NCAPD2: variants seen among roughly 807,000 people sequenced by gnomAD.
NCAPD2 encodes non-SMC condensin I complex subunit D2.
Under a neutral mutation model 164.5 loss-of-function variants are expected in NCAPD2, and 100 were observed. The ratio of observed to expected loss-of-function variants is 0.61; its 90% CI spans 0.52 to 0.72. NCAPD2 has a LOEUF of 0.72. Ranked by LOEUF, NCAPD2 falls within the 30% of genes least tolerant of loss-of-function variation. The pLI is 0.00. For missense variants in NCAPD2, 1,560 were observed against 1,749.2 expected (o/e 0.89, Z 1.93); for synonymous variants, 585 against 642.6 (o/e 0.91, Z 1.36).
In NCAPD2 at chr12:6,504,195, A is replaced by ATATG. The variant is rs1946070638; in HGVS notation, c.128-5519_128-5518insGTAT. Among the ~76,000 whole-genome samples, 6 of 28,948 alleles carry ATATG rather than the reference A, an allele frequency of 2.1e-4. No homozygotes were observed. The African/African-American group carries it at 2.6e-3, about 12-fold the overall frequency. 19.0% of individuals were successfully genotyped at this position (28,948 alleles called of 152,430 possible). ...CATATATATATACATATATATATAT[A>ATATG]TATATATATATATATATATATAGAT... On this transcript the variant is annotated intron_variant, in intron 2 of 31. Coordinates refer to ENST00000315579, the MANE Select transcript of NCAPD2 (RefSeq NM_014865.4).
chr12:6,512,536 G>A (rs768000118), intron 6 of NCAPD2, among the ~76,000 whole-genome samples: 4 of 152,230 alleles, frequency 2.6e-5, no homozygotes, highest in Non-Finnish European at 5.9e-5. Context: ...GAGCAGGTAC[G>A]AGGGTTAGGC....
In NCAPD2 at chr12:6,527,882, T is replaced by C. The variant is rs749226692; in HGVS notation, c.3013T>C (p.Leu1005=). The change falls in exon 23 of 32, where the codon TTG becomes CTG. Residue 1005 remains leucine, a synonymous_variant. Coordinates refer to ENST00000315579, the MANE Select transcript of NCAPD2 (RefSeq NM_014865.4). The part of the protein sequence containing the change: ...LIRGICEMEL[L]DGKQTLAAFV... ...CCGTGGCATCTGCGAGATGGAACTG[T>C]TGGATGGTAAGAAAAATGGCTGCAC... 1.9e-6 allele frequency: 3 copies of C among 1,613,668 alleles called. No homozygotes were observed. The Admixed American group carries it at 5.0e-5, about 27-fold the overall frequency.
At position 6,528,653 on chromosome 12, in the gene NCAPD2, C is replaced by T; in HGVS notation, c.3300-26C>T. ...AGGGTGTAGCCCGGAGGTCTCGGTCCCCATGACCCGCAATTCCATTCCTAG... is the reference window on the plus strand; with the variant it reads ...AGGGTGTAGCCCGGAGGTCTCGGTCTCCATGACCCGCAATTCCATTCCTAG... On this transcript the variant is annotated intron_variant, in intron 25 of 31. Coordinates refer to ENST00000315579, the MANE Select transcript of NCAPD2 (RefSeq NM_014865.4). The surrounding 1 kb of genome is among the most constrained non-coding windows in gnomAD (Gnocchi z 5.1). 1.2e-6 allele frequency: 2 copies of T among 1,601,160 alleles called. No homozygotes were observed. The highest frequency in any genetic ancestry group is 1.7e-6 in the Non-Finnish European group (2 of 1,170,348).
intron 2 of NCAPD2, among the ~76,000 whole-genome samples, chr12:6,501,842 A>T (rs1382246488): frequency 6.6e-6 from 1 of 152,182 alleles, no homozygotes; most frequent in Admixed American, 6.5e-5. Flanking sequence ...AAATAAAGAG[A>T]GTGTTTCAAA....
rs529714238 is a variant in NCAPD2 at position 6,526,564 on chromosome 12, A to C, written c.2683A>C (p.Lys895Gln). 8.7e-6 allele frequency: 14 copies of C among 1,614,150 alleles called. No homozygotes were observed. The highest frequency in any genetic ancestry group is 4.0e-5 in the African/African-American group (3 of 75,028). Reference protein sequence around the residue: ...ICAQILQGCAKQALEKLEEKR... With the variant: ...ICAQILQGCAQQALEKLEEKR... Reference sequence around the variant, plus strand: ...TGCCCAGATATTGCAGGGCTGTGCAAAACAGGCCCTGGAGAAGCTAGAAGA... The same window carrying C: ...TGCCCAGATATTGCAGGGCTGTGCACAACAGGCCCTGGAGAAGCTAGAAGA... Residue 895 changes from lysine (K) to glutamine (Q), a missense_variant, in exon 21 of 32, where the codon AAA (lysine) becomes CAA (glutamine). Transcript: ENST00000315579.
chr12:6,525,940 G>C, intron 18 of NCAPD2, 128 bp from the exon 19 acceptor site: 1 of 1,341,944 alleles, frequency 7.5e-7, no homozygotes, highest in Non-Finnish European at 1.0e-6. Context: ...CCCTGCGGCA[G>C]AGCCACGCTA....
chr12:6,524,648 CAAAAA>C (rs35443041), intron 17 of NCAPD2, among the ~76,000 whole-genome samples: 1 of 66,572 alleles, frequency 1.5e-5, no homozygotes, highest in Non-Finnish European at 3.0e-5. Flanking sequence ...GACTCTGTCT[CAAAAA>C]AAAAAAAAAA....
chr12:6,528,346 A>G lies in NCAPD2; in HGVS notation c.3299+18A>G, dbSNP rs1274624428. On this transcript the variant is annotated intron_variant, in intron 25 of 31. Transcript: ENST00000315579. The surrounding 1 kb of genome is among the most constrained non-coding windows in gnomAD (Gnocchi z 5.1). Reference sequence around the variant, plus strand: ...TATGCTCGGTAAGAGACCCCTCACAACGTGGTGGCAGTTCCCAGGAGCCCC... The same window carrying G: ...TATGCTCGGTAAGAGACCCCTCACAGCGTGGTGGCAGTTCCCAGGAGCCCC... The G allele has an allele frequency of 6.2e-7, 1 of 1,612,916 alleles. No homozygotes were observed. Among genetic ancestry groups the G allele is most frequent in the Non-Finnish European group, 8.5e-7 (1 of 1,179,850 alleles).
chr12:6,523,028 T>C (rs749006393), intron 16 of NCAPD2, 26 bp downstream of exon 16: 10 of 1,611,900 alleles, frequency 6.2e-6, no homozygotes, highest in South Asian at 1.1e-5. Context: ...TTGCCTTTGC[T>C]GACTTTTCCA....
chr12:6,525,699 T>G lies in NCAPD2; in HGVS notation c.2331T>G (p.Leu777=). The change falls in exon 18 of 32, where the codon CTT becomes CTG. Residue 777 remains leucine, a synonymous_variant. Transcript: ENST00000315579. ...CPLERCSSVM[L]LGMMARGKPE... ...TGGAGCGCTGTTCCTCTGTCATGCT[T>G]CTTGGCATGATGGCACGGTGAGGCT... The G allele has an allele frequency of 1.2e-6, 2 of 1,613,516 alleles. No homozygotes were observed. The highest frequency in any genetic ancestry group is 1.7e-6 in the Non-Finnish European group (2 of 1,179,854).
chr12:6,521,873 A>T lies in NCAPD2; in HGVS notation c.1790A>T (p.Lys597Ile), dbSNP rs750817353. The T allele has an allele frequency of 6.2e-7, 1 of 1,614,028 alleles. No homozygotes were observed. Among genetic ancestry groups the T allele is most frequent in the African/African-American group, 1.3e-5 (1 of 74,910 alleles). The change falls in exon 15 of 32, where the codon AAA becomes ATA. Residue 597 changes from lysine to isoleucine, a missense_variant. Coordinates refer to ENST00000315579, the MANE Select transcript of NCAPD2 (RefSeq NM_014865.4). The part of the protein sequence containing the change: ...GNMVTGQTVC[K>I]NKPNMSDPEE... The stretch of plus-strand genomic sequence containing the variant: ...ATGGTCACAGGACAGACTGTCTGTA[A>T]AAATAAACCCAATATGTCGGATCCT...
At chr12:6,527,101 A>G (rs367747025) in intron 22 of NCAPD2, 38 bp downstream of exon 22, 7 of 1,568,058 alleles carry the variant, frequency 4.5e-6, no homozygotes, top group African/African-American at 4.1e-5. Flanking sequence ...GATTTATTTC[A>G]TACCTCAGCT....
intron 9 of NCAPD2, 90 bp from the exon 10 acceptor site, chr12:6,516,738 C>T (rs1946204737): frequency 2.4e-6 from 3 of 1,228,868 alleles, no homozygotes; most frequent in Admixed American, 1.9e-5. Context: ...GGAGTGAATA[C>T]CTAGGCAGTT....
chr12:6,508,955 A>G (rs1228477263), intron 2 of NCAPD2, among the ~76,000 whole-genome samples: 1 of 152,220 alleles, frequency 6.6e-6, no homozygotes, highest in Non-Finnish European at 1.5e-5. Context: ...ATAAGTGACA[A>G]GTACTCTTCA....
chr12:6,528,305 CT>C lies in NCAPD2; in HGVS notation c.3277del (p.Trp1093GlyfsTer23), dbSNP rs777594754. On this transcript the variant is annotated frameshift_variant, in exon 25 of 32. Coordinates refer to ENST00000315579, the MANE Select transcript of NCAPD2 (RefSeq NM_014865.4). LOFTEE classifies it high-confidence loss of function. The surrounding 1 kb of genome is among the most constrained non-coding windows in gnomAD (Gnocchi z 5.1). ...AIRFPNLVDP[W>X]TPHLYARLRD... ...TCCGCTTTCCCAATCTGGTGGACCC[CT>C]GGACTCCTCATCTGTATGCTCGGTA... is the stretch of plus-strand genomic sequence containing the variant. 1.2e-6 allele frequency: 2 copies of C among 1,613,792 alleles called. No homozygotes were observed. The highest frequency in any genetic ancestry group is 1.7e-6 in the Non-Finnish European group (2 of 1,180,034).
chr12:6,528,670 C>T lies in NCAPD2; in HGVS notation c.3300-9C>T, dbSNP rs202030467. 8.1e-6 allele frequency: 13 copies of T among 1,606,160 alleles called. No individual in the cohort carries two copies. In the Admixed American group the frequency reaches 2.0e-4, roughly 25 times the overall value. On this transcript the variant is annotated splice_polypyrimidine_tract_variant and intron_variant, in intron 25 of 31. Coordinates refer to ENST00000315579, the MANE Select transcript of NCAPD2 (RefSeq NM_014865.4). The surrounding 1 kb of genome is among the most constrained non-coding windows in gnomAD (Gnocchi z 5.1). ...TCTCGGTCCCCATGACCCGCAATTCCATTCCTAGTCTCCGGGACCCTGCTC... is the reference window on the plus strand; with the variant it reads ...TCTCGGTCCCCATGACCCGCAATTCTATTCCTAGTCTCCGGGACCCTGCTC...
In NCAPD2 at chr12:6,514,916, G is replaced by A; in HGVS notation, c.983G>A (p.Gly328Glu). The change falls in exon 9 of 32, where the codon GGA becomes GAA. Residue 328 changes from glycine to glutamate, a missense_variant. Physicochemically the swap from Gly to Glu is moderately conservative, Grantham distance 98 (BLOSUM62 -2). Coordinates refer to ENST00000315579, the MANE Select transcript of NCAPD2 (RefSeq NM_014865.4). ...TGCATTTTGCTAGATCACCTGGATG[G>A]AGAAGTAGGTGGTCCACTAGGGGTC... is the stretch of plus-strand genomic sequence containing the variant. ...SMCILLDHLD[G>E]ENYMMRNAVL... The A allele has an allele frequency of 1.2e-6, 2 of 1,614,194 alleles. No homozygotes were observed. Among genetic ancestry groups the A allele is most frequent in the Non-Finnish European group, 1.7e-6 (2 of 1,180,024 alleles).
In NCAPD2 at chr12:6,494,125, C is replaced by G. The variant is rs893866848; in HGVS notation, c.-53C>G. The G allele has an allele frequency of 2.6e-5, 4 of 152,316 alleles. No individual in the cohort carries two copies. The highest frequency in any genetic ancestry group is 5.9e-5 in the Non-Finnish European group (4 of 68,096). 9.4% of individuals were successfully genotyped at this position (152,316 alleles called of 1,614,324 possible). On this transcript the variant is annotated 5_prime_UTR_variant, in exon 1 of 32. Coordinates refer to ENST00000315579, the MANE Select transcript of NCAPD2 (RefSeq NM_014865.4). Reference sequence around the variant, plus strand: ...TTCCTTTTCATTTCAGCCTGACTGCCGGAATCAGAGCCGCGGGTGAGATCC... The same window carrying G: ...TTCCTTTTCATTTCAGCCTGACTGCGGGAATCAGAGCCGCGGGTGAGATCC...
rs138807669 is a variant in NCAPD2, at chr12:6,507,554, G to A, written c.128-2163G>A. On this transcript the variant is annotated intron_variant, in intron 2 of 31. Coordinates refer to ENST00000315579, the MANE Select transcript of NCAPD2 (RefSeq NM_014865.4). ...TACCCTTTTCCCATTTGCCGGGGTC[G>A]GGTTGCACAATTAGCCCAATTGGCT... Among the ~76,000 whole-genome samples the A allele has an allele frequency of 5.0e-3, 756 of 152,286 alleles. 3 individuals carry two copies. Among genetic ancestry groups the A allele is most frequent in the Non-Finnish European group, 8.1e-3 (554 of 68,022 alleles).
Sources: gnomAD v4.1 joint callset for allele counts (sites outside exome capture counted in the v4.1 genomes callset) on GRCh38, gnomAD v4.1.1 for gene constraint, Gnocchi (gnomAD v3.1) non-coding constraint, MANE v1.5 for transcripts, NCBI Gene and HGNC (gene_info 2026-07-23, HGNC 2026-07-21) for gene names.